The following CRIPT variants were observed in gnomAD, a reference collection of about 807,000 sequenced individuals.
CRIPT encodes CXXC repeat containing interactor of PDZ3 domain, also known as cysteine-rich PDZ-binding protein.
A neutral mutation model predicts 16.6 loss-of-function variants in CRIPT; 20 were observed. The observed-to-expected ratio is 1.20, with a 90% CI of 0.85 to 1.75. CRIPT has a LOEUF of 1.75. CRIPT is among the 40% of genes most tolerant of loss of function. The probability of loss-of-function intolerance (pLI) is 0.00; values close to 1 mark genes in which losing one functional copy is unlikely to be tolerated. For synonymous variants in CRIPT, 42 were observed against 37.0 expected, an observed-to-expected ratio of 1.14 and a Z score of -0.49; for missense variants, 133 against 115.3, an observed-to-expected ratio of 1.15 and a Z score of -0.70.
In CRIPT at chr2:46,627,508, A is replaced by G. The variant is rs930925307; in HGVS notation, c.*3281A>G. On this transcript the variant is annotated 3_prime_UTR_variant, in exon 5 of 5. Coordinates refer to ENST00000238892, the MANE Select transcript of CRIPT (RefSeq NM_014171.6). Reference sequence around the variant, plus strand: ...GCCCAGGCTGGAGTACAGTGGTACAATCTTGGCTCACCACAACCTCCACCT... The same window carrying G: ...GCCCAGGCTGGAGTACAGTGGTACAGTCTTGGCTCACCACAACCTCCACCT... Among the ~76,000 whole-genome samples, 4 of 151,456 alleles carry G rather than the reference A, an allele frequency of 2.6e-5. No individual in the cohort carries two copies. Among genetic ancestry groups the G allele is most frequent in the African/African-American group, 4.9e-5 (2 of 41,124 alleles).
At chr2:46,622,898 G>A (rs1029281422) in intron 3 of CRIPT, among the ~76,000 whole-genome samples, 1 of 151,740 alleles carries the variant, frequency 6.6e-6, no homozygotes, top group African/African-American at 2.4e-5. Flanking sequence ...GAAGACACCA[G>A]TTCTAGGACG....
rs1553428772 is a variant in CRIPT at position 46,622,383 on chromosome 2, A to AAG, written c.138-1380_138-1379insGA. 3.7e-3 allele frequency among the ~76,000 whole-genome samples: 567 copies of AAG among 151,590 alleles called. 4 individuals are homozygous for AAG. Among genetic ancestry groups the AAG allele is most frequent in the African/African-American group, 0.013 (537 of 41,356 alleles). On this transcript the variant is annotated intron_variant, in intron 3 of 4. Transcript: ENST00000238892. Reference sequence around the variant, plus strand: ...AGACTCCGTCTCAAAAAAAAAAAAAAAAGATTTCCAAGGTTACAATGTGTA... The same window carrying AAG: ...AGACTCCGTCTCAAAAAAAAAAAAAAAGAAGATTTCCAAGGTTACAATGTGTA...
chr2:46,621,803 G>T (rs1670809115), intron 3 of CRIPT, among the ~76,000 whole-genome samples: 2 of 152,216 alleles, frequency 1.3e-5, no homozygotes, highest in Non-Finnish European at 2.9e-5. Context: ...CTTTAATGCA[G>T]ATTCACACTA....
At chr2:46,620,086 T>C (rs965327962) in intron 3 of CRIPT, among the ~76,000 whole-genome samples, 8 of 152,176 alleles carry the variant, frequency 5.3e-5, no homozygotes, top group African/African-American at 1.9e-4. Context: ...CTTTACTTTT[T>C]CCTGAGAATT....
At chr2:46,622,760 C>G (rs557375016) in intron 3 of CRIPT, among the ~76,000 whole-genome samples, 1 of 152,020 alleles carries the variant, frequency 6.6e-6, no homozygotes, top group South Asian at 2.1e-4. Flanking sequence ...TTGCAGTAAG[C>G]CAAGATTGCG....
In CRIPT at chr2:46,627,739, C is replaced by G. The variant is rs949336857; in HGVS notation, c.*3512C>G. Among the ~76,000 whole-genome samples the G allele has an allele frequency of 6.6e-6, 1 of 152,170 alleles. No homozygotes were observed. Among genetic ancestry groups the G allele is most frequent in the African/African-American group, 2.4e-5 (1 of 41,458 alleles). On this transcript the variant is annotated 3_prime_UTR_variant, in exon 5 of 5. Transcript: ENST00000238892. ...GGATTACAGGCATGAGCCACTGCAC[C>G]CGGCCCCTTATATTTAAATCTTTAA...
intron 3 of CRIPT, among the ~76,000 whole-genome samples, chr2:46,622,452 G>T (rs1156294698): frequency 6.6e-6 from 1 of 152,088 alleles, no homozygotes; most frequent in Non-Finnish European, 1.5e-5. Context: ...ATAGCCTCTG[G>T]AAATACATGT....
At chr2:46,619,175 T>TC (rs1335571105) in intron 2 of CRIPT, among the ~76,000 whole-genome samples, 1 of 152,174 alleles carries the variant, frequency 6.6e-6, no homozygotes, top group Admixed American at 6.5e-5. Context: ...TTTTTAATCT[T>TC]CTGATTTTTA....
At chr2:46,621,343 A>G (rs987945582) in intron 3 of CRIPT, among the ~76,000 whole-genome samples, 1 of 152,064 alleles carries the variant, frequency 6.6e-6, no homozygotes, top group Non-Finnish European at 1.5e-5. Flanking sequence ...CTCCCATCCA[A>G]AGAGATTTGT....
At position 46,629,980 on chromosome 2, in the gene CRIPT, A is replaced by C. The variant is rs970534497; in HGVS notation, c.*5753A>C. Among the ~76,000 whole-genome samples, 11 of 152,144 alleles carry C rather than the reference A, an allele frequency of 7.2e-5. No homozygotes were observed. The highest frequency in any genetic ancestry group is 2.0e-4 in the Admixed American group (3 of 15,272). On this transcript the variant is annotated 3_prime_UTR_variant, in exon 5 of 5. Coordinates refer to ENST00000238892, the MANE Select transcript of CRIPT (RefSeq NM_014171.6). ...TTCTGTATTAATTAGTCATCATTCT[A>C]CTGTAAGGAAGAGGTTTCCCTTTAT...
At position 46,629,313 on chromosome 2, in the gene CRIPT, T is replaced by G. The variant is rs1671016980; in HGVS notation, c.*5086T>G. Among the ~76,000 whole-genome samples the G allele has an allele frequency of 6.6e-6, 1 of 152,228 alleles. No homozygotes were observed. Among genetic ancestry groups the G allele is most frequent in the South Asian group, 2.1e-4 (1 of 4,830 alleles). ...TTGTAGACATCATACTCTTTACCCTTTAACACTACACATGCACTTCATAAG... is the reference window on the plus strand; with the variant it reads ...TTGTAGACATCATACTCTTTACCCTGTAACACTACACATGCACTTCATAAG... On this transcript the variant is annotated 3_prime_UTR_variant, in exon 5 of 5. Transcript: ENST00000238892.
In CRIPT at chr2:46,617,218, G is replaced by A. The variant is rs1409895056; in HGVS notation, c.-65G>A. The A allele has an allele frequency of 1.9e-6, 3 of 1,549,664 alleles. No homozygotes were observed. Among genetic ancestry groups the A allele is most frequent in the South Asian group, 1.2e-5 (1 of 84,038 alleles). Reference sequence around the variant, plus strand: ...GGAAGGGGAATACTTCCAAGTTGTAGTGTTGTTGTTTTCAGCCTGCTGCTG... The same window carrying A: ...GGAAGGGGAATACTTCCAAGTTGTAATGTTGTTGTTTTCAGCCTGCTGCTG... On this transcript the variant is annotated 5_prime_UTR_variant, in exon 1 of 5. The change creates a new upstream start codon in the 5' untranslated region. Transcript: ENST00000238892.
At chr2:46,619,287 T>G (rs1400785771) in intron 2 of CRIPT, among the ~76,000 whole-genome samples, 1 of 152,182 alleles carries the variant, frequency 6.6e-6, no homozygotes, top group African/African-American at 2.4e-5. Context: ...TAGTAAAGTA[T>G]GTTTTCAATG....
chr2:46,625,924 T>TTTG lies in CRIPT; in HGVS notation c.*1712_*1714dup, dbSNP rs914991333. Among the ~76,000 whole-genome samples, 1 of 152,158 alleles carries TTTG rather than the reference T, an allele frequency of 6.6e-6. No individual in the cohort carries two copies. Among genetic ancestry groups the TTTG allele is most frequent in the African/African-American group, 2.4e-5 (1 of 41,422 alleles). On this transcript the variant is annotated 3_prime_UTR_variant, in exon 5 of 5. Transcript: ENST00000238892. ...CTTGCCTAACTCACATTTCATTTTT[T>TTTG]TTGTTGTTGTTGTTGTTTTTATAAT...
rs1336478962 is a variant in CRIPT, at chr2:46,627,546, C to A, written c.*3319C>A. ...ACAACCTCCACCTCCCAGGCTCAAGCGATTCTCATGCCTCAGCCTCCCAAC... is the reference window on the plus strand; with the variant it reads ...ACAACCTCCACCTCCCAGGCTCAAGAGATTCTCATGCCTCAGCCTCCCAAC... On this transcript the variant is annotated 3_prime_UTR_variant, in exon 5 of 5. Coordinates refer to ENST00000238892, the MANE Select transcript of CRIPT (RefSeq NM_014171.6). Among the ~76,000 whole-genome samples, 1 of 151,708 alleles carries A rather than the reference C, an allele frequency of 6.6e-6. No individual in the cohort carries two copies. The highest frequency in any genetic ancestry group is 2.4e-5 in the African/African-American group (1 of 41,266).
rs1671024734 is a variant in CRIPT, at chr2:46,629,691, T to G, written c.*5464T>G. ...TATGTATTGCAGGTATACATCCAGA[T>G]GCACAGAATGTCCATTTGTCCCTTA... On this transcript the variant is annotated 3_prime_UTR_variant, in exon 5 of 5. Coordinates refer to ENST00000238892, the MANE Select transcript of CRIPT (RefSeq NM_014171.6). Among the ~76,000 whole-genome samples, 1 of 152,234 alleles carries G rather than the reference T, an allele frequency of 6.6e-6. No homozygotes were observed. Among genetic ancestry groups the G allele is most frequent in the Non-Finnish European group, 1.5e-5 (1 of 68,042 alleles).
At chr2:46,619,386 G>C (rs1670750260) in intron 2 of CRIPT, among the ~76,000 whole-genome samples, 1 of 151,676 alleles carries the variant, frequency 6.6e-6, no homozygotes, top group Non-Finnish European at 1.5e-5. Context: ...AGTAAATATA[G>C]ACCCATTCCT....
At chr2:46,617,659 C>T (rs1014764428) in intron 1 of CRIPT, among the ~76,000 whole-genome samples, 7 of 152,162 alleles carry the variant, frequency 4.6e-5, no homozygotes, top group African/African-American at 7.2e-5. Flanking sequence ...TATTGTTCTC[C>T]TGCCAAATGC....
rs531796007 is a variant in CRIPT at position 46,628,713 on chromosome 2, A to G, written c.*4486A>G. On this transcript the variant is annotated 3_prime_UTR_variant, in exon 5 of 5. Coordinates refer to ENST00000238892, the MANE Select transcript of CRIPT (RefSeq NM_014171.6). ...TGTATTGTACCTCAGAACCATCTCC[A>G]TATTCTCTAAATAATAATAATGATG... Among the ~76,000 whole-genome samples the G allele has an allele frequency of 6.6e-6, 1 of 152,308 alleles. No individual in the cohort carries two copies. The highest frequency in any genetic ancestry group is 1.9e-4 in the East Asian group (1 of 5,186).
Sources: gnomAD v4.1 joint callset for allele counts (sites outside exome capture counted in the v4.1 genomes callset) on GRCh38, gnomAD v4.1.1 for gene constraint, MANE v1.5 for transcripts, NCBI Gene and HGNC (gene_info 2026-07-23, HGNC 2026-07-21) for gene names.